Variants in CPXM2 observed in about 807,000 individuals in gnomAD.
CPXM2 encodes the protein carboxypeptidase X, M14 family member 2, also known as inactive carboxypeptidase-like protein X2.
A neutral mutation model predicts 86.1 loss-of-function variants in CPXM2; 66 were observed. The ratio of observed to expected loss-of-function variants is 0.77; its 90% CI spans 0.63 to 0.94. The LOEUF is 0.94. CPXM2 is among the 40% of genes least tolerant of loss of function. CPXM2 has a pLI of 0.00. For missense variants in CPXM2, 948 were observed against 1,026.3 expected, an observed-to-expected ratio of 0.92 and a Z score of 1.04; for synonymous variants, 388 against 400.2, an observed-to-expected ratio of 0.97 and a Z score of 0.36.
chr10:123,861,125 A>C (rs1027762814), intron 3 of CPXM2, among the ~76,000 whole-genome samples: 1 of 152,148 alleles, frequency 6.6e-6, no homozygotes, highest in African/African-American at 2.4e-5. Context: ...AGCTGCCCCT[A>C]GCACATTTAC....
chr10:123,926,850 C>T (rs1945625675), intron 2 of CPXM2, among the ~76,000 whole-genome samples: 1 of 152,206 alleles, frequency 6.6e-6, no homozygotes, highest in African/African-American at 2.4e-5. Context: ...TGCATGGCTC[C>T]AGATTTTATG....
intron 3 of CPXM2, among the ~76,000 whole-genome samples, chr10:123,856,609 T>G (rs1465899626): frequency 1.3e-5 from 2 of 152,134 alleles, no homozygotes; most frequent in African/African-American, 4.8e-5. Flanking sequence ...TGTTTTTTTT[T>G]GAGACAGAGT....
intron 4 of CPXM2, among the ~76,000 whole-genome samples, chr10:123,841,011 A>G (rs1472135296): frequency 1.3e-5 from 2 of 152,222 alleles, no homozygotes; most frequent in Non-Finnish European, 2.9e-5. Flanking sequence ...AGAGTGCAGT[A>G]TAGATGGGAG....
chr10:123,922,119 A>G (rs1197317590), intron 2 of CPXM2, among the ~76,000 whole-genome samples: 1 of 152,192 alleles, frequency 6.6e-6, no homozygotes, highest in African/African-American at 2.4e-5. Context: ...GATGTTGAGC[A>G]GCATCCCTGA....
At chr10:123,818,444 T>A (rs928176859) in intron 4 of CPXM2, among the ~76,000 whole-genome samples, 2 of 152,064 alleles carry the variant, frequency 1.3e-5, no homozygotes, top group African/African-American at 4.8e-5. Context: ...AGGCAGCAGG[T>A]TGATTATATT....
chr10:123,849,380 C>T (rs1848555554), intron 3 of CPXM2, among the ~76,000 whole-genome samples: 1 of 151,742 alleles, frequency 6.6e-6, no homozygotes, highest in Non-Finnish European at 1.5e-5. Context: ...GCCTCTCCTC[C>T]TTCCCCTTTA....
chr10:123,881,264 T>TCCCCTCCCCC (rs1945088506), intron 1 of CPXM2, among the ~76,000 whole-genome samples: 1 of 91,396 alleles, frequency 1.1e-5, no homozygotes, highest in African/African-American at 5.4e-5. Flanking sequence ...TTCCCTTCCC[T>TCCCCTCCCCC]TTACGCTCAA....
intron 6 of CPXM2, among the ~76,000 whole-genome samples, chr10:123,786,261 A>G (rs1847052316): frequency 6.6e-6 from 1 of 152,140 alleles, no homozygotes; most frequent in African/African-American, 2.4e-5. Flanking sequence ...GACCCCAACC[A>G]TGAGAGGCTC....
At chr10:123,942,700 G>A (rs978293448), upstream of CPXM2, among the ~76,000 whole-genome samples, 6 of 152,190 alleles carry the variant, frequency 3.9e-5, no homozygotes, top group African/African-American at 1.4e-4. Context: ...AAAATAGCCA[G>A]CCAGCAGCCC....
In CPXM2 at chr10:123,880,316, G is replaced by GCATCTCTCTCTCCCCCTTTA; in HGVS notation, c.305-8_305-7insTAAAGGGGGAGAGAGAGATG. 7.6e-7 allele frequency: 1 copy of GCATCTCTCTCTCCCCCTTTA among 1,312,410 alleles called. No individual in the cohort carries two copies. Among genetic ancestry groups the GCATCTCTCTCTCCCCCTTTA allele is most frequent in the Non-Finnish European group, 1.1e-6 (1 of 904,700 alleles). 81.3% of individuals were successfully genotyped at this position (1,312,410 alleles called of 1,614,324 possible). On this transcript the variant is annotated splice_region_variant and splice_polypyrimidine_tract_variant and intron_variant, in intron 1 of 13. Transcript: ENST00000241305. ...TTTTTGTTGCTGTGTTTACCTAAAG[G>GCATCTCTCTCTCCCCCTTTA]GGGAGAGAGAGATGCCTTTACTTTC...
chr10:123,874,380 C>CCA (rs145634125), intron 2 of CPXM2, among the ~76,000 whole-genome samples: 27,435 of 150,768 alleles, frequency 0.18, 3,280 homozygotes, highest in Non-Finnish European at 0.28. Flanking sequence ...CCCGCCCCAA[C>CCA]CACACACACA....
At chr10:123,778,761 G>A (rs1472808765) in intron 7 of CPXM2, among the ~76,000 whole-genome samples, 1 of 152,198 alleles carries the variant, frequency 6.6e-6, no homozygotes, top group Non-Finnish European at 1.5e-5. Flanking sequence ...GCAAAGCGGA[G>A]TTAACACACC....
chr10:123,842,950 T>G (rs1305285584), intron 3 of CPXM2, among the ~76,000 whole-genome samples: 3 of 152,166 alleles, frequency 2.0e-5, no homozygotes, highest in South Asian at 4.1e-4. Flanking sequence ...CGGGAGCATT[T>G]AAGGACAGAA....
intron 2 of CPXM2, among the ~76,000 whole-genome samples, chr10:123,917,318 A>G (rs769281): frequency 0.043 from 6,617 of 152,310 alleles, 467 homozygotes; most frequent in African/African-American, 0.15. Flanking sequence ...AACATCTTTA[A>G]TGTCATTAAA....
At chr10:123,929,403 G>A (rs1296588767) in intron 2 of CPXM2, among the ~76,000 whole-genome samples, 1 of 152,228 alleles carries the variant, frequency 6.6e-6, no homozygotes, top group Non-Finnish European at 1.5e-5. Context: ...CACCACTGAT[G>A]GCTTTATGGG....
chr10:123,852,368 AG>A (rs1322999145), intron 3 of CPXM2, among the ~76,000 whole-genome samples: 1 of 152,180 alleles, frequency 6.6e-6, no homozygotes, highest in Admixed American at 6.5e-5. Flanking sequence ...GCCCTGCATC[AG>A]AAAATCCTAC....
At chr10:123,893,528 A>G (rs887614826), upstream of CPXM2, among the ~76,000 whole-genome samples, 9 of 152,176 alleles carry the variant, frequency 5.9e-5, no homozygotes, top group Non-Finnish European at 7.4e-5. Flanking sequence ...GTCTGCAGGG[A>G]CCAGGAGGCC....
At chr10:123,822,781 G>T (rs1038809696) in intron 4 of CPXM2, among the ~76,000 whole-genome samples, 4 of 151,822 alleles carry the variant, frequency 2.6e-5, no homozygotes, top group African/African-American at 9.7e-5. Flanking sequence ...AAACTTTATC[G>T]AGAAGGAATA....
intron 4 of CPXM2, among the ~76,000 whole-genome samples, chr10:123,836,058 C>A (rs1450451037): frequency 6.6e-6 from 1 of 152,126 alleles, no homozygotes; most frequent in East Asian, 1.9e-4. Flanking sequence ...CTGCTAGACC[C>A]CACTGTCACT....
Sources: allele counts gnomAD v4.1 joint callset (sites outside exome capture counted in the v4.1 genomes callset), GRCh38; gene constraint gnomAD v4.1.1; transcripts MANE v1.5; gene names NCBI Gene and HGNC (gene_info 2026-07-23, HGNC 2026-07-21).